Variants in DGKB observed in about 807,000 individuals in gnomAD.
DGKB encodes the protein 90 kDa diacylglycerol kinase.
In DGKB, 67 loss-of-function variants were observed where a neutral mutation model predicts 114.3. The observed-to-expected ratio is 0.59, with a 90% confidence interval of 0.48 to 0.72. The LOEUF (loss-of-function observed/expected upper bound fraction) is 0.72. Among genes scored for constraint, DGKB ranks in the 30% least tolerant of loss-of-function variants. DGKB has a pLI of 0.00. For missense variants in DGKB, 907 were observed against 975.2 expected, an observed-to-expected ratio of 0.93 and a Z score of 0.93; for synonymous variants, 398 against 323.1, an observed-to-expected ratio of 1.23 and a Z score of -2.49.
intron 20 of DGKB, among the ~76,000 whole-genome samples, chr7:14,524,815 C>T (rs181228748): frequency 6.7e-4 from 101 of 150,436 alleles, no homozygotes; most frequent in East Asian, 2.4e-3. Flanking sequence ...GATAAGACCA[C>T]GAAAATACTA....
At chr7:14,609,775 T>C (rs1805179533) in intron 16 of DGKB, among the ~76,000 whole-genome samples, 1 of 151,966 alleles carries the variant, frequency 6.6e-6, no homozygotes, top group Admixed American at 6.6e-5. Flanking sequence ...AAAACATGCT[T>C]ATCATCACTA....
intron 13 of DGKB, among the ~76,000 whole-genome samples, chr7:14,653,659 A>T (rs1585379014): frequency 4.4e-5 from 4 of 91,738 alleles, no homozygotes; most frequent in African/African-American, 2.0e-4. Context: ...GTATAATTTA[A>T]AAAAAAAAAG....
At chr7:14,502,927 C>T (rs1223933669) in intron 20 of DGKB, among the ~76,000 whole-genome samples, 2 of 152,034 alleles carry the variant, frequency 1.3e-5, no homozygotes, top group Non-Finnish European at 2.9e-5. Flanking sequence ...ACTTTCCAAT[C>T]TTCCCCTAAA....
rs375037805 is a variant in DGKB at position 14,363,259 on chromosome 7, C to T, written c.1836-17868G>A. Among the ~76,000 whole-genome samples, 145 of 152,204 alleles carry T rather than the reference C, an allele frequency of 9.5e-4. 6 individuals are homozygous for T. In the South Asian group the frequency reaches 0.018, roughly 19 times the overall value. Reference sequence around the variant, plus strand: ...AACAAATAGATAAAAGACACATAAACGTATATACCAGACACTGTGCTAAAT... The same window carrying T: ...AACAAATAGATAAAAGACACATAAATGTATATACCAGACACTGTGCTAAAT... On this transcript the variant is annotated intron_variant, in intron 21 of 25. Transcript: ENST00000402815.
In DGKB at chr7:14,574,221, G is replaced by A; in HGVS notation, c.1761C>T (p.Ser587=). The A allele has an allele frequency of 6.2e-7, 1 of 1,612,472 alleles. No homozygotes were observed. The highest frequency in any genetic ancestry group is 8.5e-7 in the Non-Finnish European group (1 of 1,179,238). The part of the protein sequence containing the change: ...VPYSIINNYF[S]IGVDASIAHR... ...TAGTGGAGAATCTTACCACGCCAATGGAAAAGTAATTATTGATGATACTGT... is the reference window on the plus strand; with the variant it reads ...TAGTGGAGAATCTTACCACGCCAATAGAAAAGTAATTATTGATGATACTGT... The change falls in exon 20 of 26, where the codon TCC becomes TCT. Residue 587 remains serine (S), a synonymous_variant. Transcript: ENST00000402815.
chr7:14,596,630 A>AATGCTC (rs1802626945), intron 17 of DGKB, among the ~76,000 whole-genome samples: 1 of 152,206 alleles, frequency 6.6e-6, no homozygotes, highest in Non-Finnish European at 1.5e-5. Context: ...CAGATCCTAA[A>AATGCTC]ATGCTCATGC....
intron 20 of DGKB, among the ~76,000 whole-genome samples, chr7:14,525,203 T>A (rs1219911978): frequency 6.6e-6 from 1 of 152,198 alleles, no homozygotes; most frequent in Non-Finnish European, 1.5e-5. Flanking sequence ...AACAACCATT[T>A]CTACGATAAG....
intron 6 of DGKB, among the ~76,000 whole-genome samples, chr7:14,717,990 T>G (rs1828499313): frequency 6.6e-6 from 1 of 152,226 alleles, no homozygotes; most frequent in Admixed American, 6.5e-5. Flanking sequence ...CGCCATGTCC[T>G]AAATTTAAGA....
At chr7:14,507,825 G>A (rs1787332958) in intron 20 of DGKB, among the ~76,000 whole-genome samples, 1 of 152,112 alleles carries the variant, frequency 6.6e-6, no homozygotes, top group African/African-American at 2.4e-5. Flanking sequence ...AAAAAAACAC[G>A]TGAGTCAACT....
chr7:14,162,409 C>A (rs554044490), intron 25 of DGKB, among the ~76,000 whole-genome samples: 1 of 152,194 alleles, frequency 6.6e-6, no homozygotes, highest in South Asian at 2.1e-4. Context: ...CTGATAAGTA[C>A]ATACAGTTTT....
At chr7:14,191,670 C>T in intron 23 of DGKB, 1 of 310,626 alleles carries the variant, frequency 3.2e-6, no homozygotes, top group Non-Finnish European at 6.6e-6. Flanking sequence ...TTGAGCGAAA[C>T]TCTTCTGGGG....
At chr7:14,889,117 G>T (rs1389139969) in intron 1 of DGKB, among the ~76,000 whole-genome samples, 1 of 151,686 alleles carries the variant, frequency 6.6e-6, no homozygotes, top group Non-Finnish European at 1.5e-5. Context: ...TGAGGACCAT[G>T]ACTCAGCTAT....
chr7:14,622,133 G>A (rs111619988), intron 14 of DGKB, among the ~76,000 whole-genome samples: 22 of 152,052 alleles, frequency 1.4e-4, no homozygotes, highest in African/African-American at 3.9e-4. Context: ...ACCAATGACC[G>A]TCTCAGTTTC....
chr7:14,712,922 T>A (rs1039128141), intron 6 of DGKB, among the ~76,000 whole-genome samples: 2 of 152,046 alleles, frequency 1.3e-5, no homozygotes, highest in African/African-American at 4.8e-5. Context: ...AGGATCATAT[T>A]TTTAAAAACA....
intron 2 of DGKB, among the ~76,000 whole-genome samples, chr7:14,773,047 G>C (rs572304738): frequency 1.3e-5 from 2 of 152,178 alleles, no homozygotes; most frequent in Non-Finnish European, 2.9e-5. Flanking sequence ...TCTATTCCTT[G>C]TGTTTTTAAC....
chr7:14,648,389 A>T (rs188277299), intron 13 of DGKB, among the ~76,000 whole-genome samples: 68 of 152,258 alleles, frequency 4.5e-4, no homozygotes, highest in African/African-American at 1.6e-3. Flanking sequence ...GGGCACACTC[A>T]CACCTCACAG....
chr7:14,332,912 G>T (rs916727059), intron 23 of DGKB, among the ~76,000 whole-genome samples: 36 of 152,014 alleles, frequency 2.4e-4, no homozygotes, highest in African/African-American at 8.5e-4. Context: ...CCATATGCAG[G>T]GTAGACAGTC....
intron 1 of DGKB, among the ~76,000 whole-genome samples, chr7:14,890,156 G>T (rs1780959879): frequency 6.6e-6 from 1 of 151,510 alleles, no homozygotes; most frequent in South Asian, 2.1e-4. Flanking sequence ...GAGGGCACAT[G>T]CTATATTGTG....
Position 14,234,297 on chromosome 7 carries a change from GA to G in DGKB, c.2123-56147del, listed in dbSNP as rs551466316. On this transcript the variant is annotated intron_variant, in intron 23 of 25. Transcript: ENST00000402815. ...TAAGATAGTAACTACAGATTTAAAA[GA>G]AAAAAAAATTCATACACTCTTCTCC... Among the ~76,000 whole-genome samples, 585 of 150,872 alleles carry G rather than the reference GA, an allele frequency of 3.9e-3. 3 individuals are homozygous for G. The highest frequency in any genetic ancestry group is 8.6e-3 in the East Asian group (44 of 5,112).
Sources: allele counts gnomAD v4.1 joint callset (sites outside exome capture counted in the v4.1 genomes callset), GRCh38; gene constraint gnomAD v4.1.1; transcripts MANE v1.5; gene names NCBI Gene and HGNC (gene_info 2026-07-23, HGNC 2026-07-21).